The following CNTN5 variants were observed in gnomAD, a reference collection of about 807,000 sequenced individuals.
CNTN5 encodes contactin 5, also known as contactin-5.
A neutral mutation model predicts 129.1 loss-of-function variants in CNTN5; 77 were observed. The ratio of observed to expected loss-of-function variants is 0.60; its 90% CI spans 0.50 to 0.72. CNTN5 has a LOEUF of 0.72. CNTN5 is among the 30% of genes least tolerant of loss of function. CNTN5 has a pLI of 0.00. For missense variants in CNTN5, 1,478 were observed against 1,328.8 expected (o/e 1.11, Z -1.75); for synonymous variants, 509 against 465.6 (o/e 1.09, Z -1.20).
At chr11:99,636,262 A>G (rs1951549846) in intron 3 of CNTN5, among the ~76,000 whole-genome samples, 1 of 152,194 alleles carries the variant, frequency 6.6e-6, no homozygotes, top group South Asian at 2.1e-4. Context: ...TGGGTGGCCT[A>G]GCCAAATAAT....
At position 99,127,771 on chromosome 11, in the gene CNTN5, G is replaced by A. The variant is rs572404689; in HGVS notation, c.-210+106501G>A. Among the ~76,000 whole-genome samples the A allele has an allele frequency of 1.4e-4, 21 of 152,086 alleles. No individual in the cohort carries two copies. The East Asian group carries it at 3.7e-3, about 27-fold the overall frequency. ...CATTATATGCCATTCCCCTTACAAA[G>A]CATTCCTTGACCTTTAGGGCTGTGT... is the stretch of plus-strand genomic sequence containing the variant. On this transcript the variant is annotated intron_variant, in intron 1 of 24. Transcript: ENST00000524871.
intron 2 of CNTN5, among the ~76,000 whole-genome samples, chr11:99,411,217 G>A (rs1212188599): frequency 2.6e-5 from 4 of 152,010 alleles, no homozygotes; most frequent in African/African-American, 9.7e-5. Context: ...TTTTTCAGTT[G>A]AGGAAGCCAG....
chr11:99,300,562 T>A (rs1007438211), intron 1 of CNTN5, among the ~76,000 whole-genome samples: 4 of 152,118 alleles, frequency 2.6e-5, no homozygotes, highest in Non-Finnish European at 5.9e-5. Flanking sequence ...ATCAGGATAT[T>A]TGCCTGTAGT....
intron 3 of CNTN5, among the ~76,000 whole-genome samples, chr11:99,565,867 T>C (rs1948988608): frequency 6.6e-6 from 1 of 152,142 alleles, no homozygotes; most frequent in Admixed American, 6.5e-5. Flanking sequence ...AGGGAAGTCT[T>C]CCCTTCATAC....
chr11:100,121,360 C>T (rs578224809), intron 13 of CNTN5, among the ~76,000 whole-genome samples: 2 of 152,098 alleles, frequency 1.3e-5, no homozygotes, highest in East Asian at 3.9e-4. Context: ...AATCTTCCTT[C>T]CTGTGATGTG....
intron 1 of CNTN5, among the ~76,000 whole-genome samples, chr11:99,139,571 A>T (rs1031740087): frequency 2.0e-4 from 31 of 152,228 alleles, no homozygotes; most frequent in Non-Finnish European, 4.4e-5. Flanking sequence ...TAGCACTTAC[A>T]GGGTTAAATG....
intron 13 of CNTN5, among the ~76,000 whole-genome samples, chr11:100,170,275 T>C (rs1262220340): frequency 1.3e-5 from 2 of 152,036 alleles, no homozygotes; most frequent in Non-Finnish European, 2.9e-5. Context: ...TGTCTAAATA[T>C]AAAATCTGTG....
chr11:99,994,112 C>G (rs1343214338), intron 8 of CNTN5, among the ~76,000 whole-genome samples: 1 of 152,052 alleles, frequency 6.6e-6, no homozygotes, highest in East Asian at 1.9e-4. Context: ...AAAATTACCC[C>G]CCAAATACTA....
intron 16 of CNTN5, among the ~76,000 whole-genome samples, chr11:100,233,229 C>T (rs1949531285): frequency 6.6e-6 from 1 of 151,126 alleles, no homozygotes; most frequent in Non-Finnish European, 1.5e-5. Flanking sequence ...AAAAATAATA[C>T]ATGTTTGTGG....
chr11:100,324,324 G>T (rs956733371), intron 21 of CNTN5, among the ~76,000 whole-genome samples: 65 of 152,130 alleles, frequency 4.3e-4, no homozygotes, highest in African/African-American at 1.5e-3. Context: ...TGAAGCTATA[G>T]GGTTATAGTG....
intron 1 of CNTN5, among the ~76,000 whole-genome samples, chr11:99,175,784 A>C (rs1249275414): frequency 6.6e-6 from 1 of 152,144 alleles, no homozygotes; most frequent in Non-Finnish European, 1.5e-5. Flanking sequence ...TTTCTCAACA[A>C]TTTTAAATCT....
At chr11:99,227,097 C>T (rs77041829) in intron 1 of CNTN5, among the ~76,000 whole-genome samples, 2,643 of 152,094 alleles carry the variant, frequency 0.017, 42 homozygotes, top group African/African-American at 0.038. Context: ...GCAGTGGCTC[C>T]TGCCTATAAT....
chr11:99,868,437 G>T (rs913333580), intron 6 of CNTN5, among the ~76,000 whole-genome samples: 2 of 152,096 alleles, frequency 1.3e-5, no homozygotes, highest in Non-Finnish European at 1.5e-5. Context: ...TCCTCATTTT[G>T]TGTTGATAAA....
At chr11:99,042,266 G>A (rs11218162) in intron 1 of CNTN5, among the ~76,000 whole-genome samples, 34,463 of 150,504 alleles carry the variant, frequency 0.23, 4,099 homozygotes, top group East Asian at 0.33. Context: ...AATACCTAAC[G>A]TAGATGACGG....
At chr11:99,382,844 A>AATT (rs774797660) in intron 2 of CNTN5, among the ~76,000 whole-genome samples, 1 of 69,400 alleles carries the variant, frequency 1.4e-5, no homozygotes, top group South Asian at 6.5e-4. Context: ...TCTCTAAATA[A>AATT]CTTTTTTTTT....
intron 1 of CNTN5, among the ~76,000 whole-genome samples, chr11:99,097,254 T>C (rs1243569416): frequency 2.0e-5 from 3 of 151,868 alleles, no homozygotes; most frequent in African/African-American, 7.2e-5. Flanking sequence ...GGCATACAAA[T>C]ATGTCAAAGT....
At chr11:99,960,597 A>C (rs2136185580) in intron 8 of CNTN5, among the ~76,000 whole-genome samples, 1 of 152,312 alleles carries the variant, frequency 6.6e-6, no homozygotes, top group South Asian at 2.1e-4. Context: ...TATAACCTAA[A>C]GAAAAATAAG....
At chr11:100,209,682 CAT>C (rs1417158651) in intron 15 of CNTN5, among the ~76,000 whole-genome samples, 1 of 152,180 alleles carries the variant, frequency 6.6e-6, no homozygotes, top group African/African-American at 2.4e-5. Flanking sequence ...GTTTCTACCA[CAT>C]GTTAGTTCTA....
intron 6 of CNTN5, among the ~76,000 whole-genome samples, chr11:99,894,339 C>G (rs1469387415): frequency 6.6e-6 from 1 of 151,748 alleles, no homozygotes; most frequent in Admixed American, 6.6e-5. Context: ...TATAAAGACA[C>G]CAGAGTCCTA....
Sources: gnomAD v4.1 joint callset for allele counts (sites outside exome capture counted in the v4.1 genomes callset) on GRCh38, gnomAD v4.1.1 for gene constraint, MANE v1.5 for transcripts, NCBI Gene and HGNC (gene_info 2026-07-23, HGNC 2026-07-21) for gene names.